Variants in CNTN4 observed in about 807,000 individuals in gnomAD.
The protein encoded by CNTN4 is contactin-4.
Under a neutral mutation model 122.5 loss-of-function variants are expected in CNTN4, and 77 were observed. The observed-to-expected ratio is 0.63, with a 90% CI of 0.52 to 0.76. The LOEUF (loss-of-function observed/expected upper bound fraction) is 0.76. Among genes scored for constraint, CNTN4 ranks in the 30% least tolerant of loss-of-function variants. CNTN4 has a pLI of 0.00. For missense variants in CNTN4, 1,256 were observed against 1,259.1 expected (o/e 1.00, Z 0.04); for synonymous variants, 512 against 447.0 (o/e 1.15, Z -1.83).
intron 2 of CNTN4, among the ~76,000 whole-genome samples, chr3:2,191,106 G>C (rs904404926): frequency 4.0e-5 from 6 of 151,862 alleles, no homozygotes; most frequent in Admixed American, 3.9e-4. Context: ...TTTTTATTTG[G>C]TTTTGAAGAG....
intron 4 of CNTN4, among the ~76,000 whole-genome samples, chr3:2,653,701 G>A (rs974018258): frequency 2.0e-5 from 3 of 151,982 alleles, no homozygotes; most frequent in Admixed American, 6.6e-5. Context: ...TCTGTGTGAG[G>A]GTTTGGATAA....
chr3:2,498,646 A>G (rs767558171), intron 3 of CNTN4, among the ~76,000 whole-genome samples: 10 of 151,884 alleles, frequency 6.6e-5, no homozygotes, highest in Non-Finnish European at 1.5e-4. Flanking sequence ...ACGCCCAGCT[A>G]ATTTTTGTAT....
intron 2 of CNTN4, among the ~76,000 whole-genome samples, chr3:2,190,660 C>T (rs2037487224): frequency 6.6e-6 from 1 of 151,842 alleles, no homozygotes; most frequent in Non-Finnish European, 1.5e-5. Context: ...GTTACAGGAC[C>T]CCCATTCTCC....
intron 3 of CNTN4, among the ~76,000 whole-genome samples, chr3:2,419,182 A>G (rs574033394): frequency 1.4e-4 from 22 of 152,348 alleles, no homozygotes; most frequent in Non-Finnish European, 2.5e-4. Context: ...CAAGTAATCA[A>G]TCATATACCA....
At position 2,788,125 on chromosome 3, in the gene CNTN4, A is replaced by C. The variant is rs73807945; in HGVS notation, c.359-31361A>C. On this transcript the variant is annotated intron_variant, in intron 6 of 24. Coordinates refer to ENST00000418658, the MANE Select transcript of CNTN4 (RefSeq NM_175607.3). ...ATGTAATCATAAGAGTAACAACTAT[A>C]TACCATCACATCATCATCATAACAG... 2.1e-3 allele frequency among the ~76,000 whole-genome samples: 320 copies of C among 152,312 alleles called. 2 individuals carry two copies. The highest frequency in any genetic ancestry group is 7.6e-3 in the African/African-American group (316 of 41,562).
chr3:2,488,906 A>T (rs982326403), intron 3 of CNTN4, among the ~76,000 whole-genome samples: 1 of 152,194 alleles, frequency 6.6e-6, no homozygotes, highest in Non-Finnish European at 1.5e-5. Flanking sequence ...TGTAGGCTCC[A>T]TTTTTAATAA....
intron 2 of CNTN4, among the ~76,000 whole-genome samples, chr3:2,334,951 A>T (rs1279166283): frequency 6.6e-6 from 1 of 152,222 alleles, no homozygotes; most frequent in Non-Finnish European, 1.5e-5. Flanking sequence ...GGTCTAGATC[A>T]GGACTGTTTG....
At chr3:2,277,160 A>G (rs1431552722) in intron 2 of CNTN4, among the ~76,000 whole-genome samples, 10 of 152,196 alleles carry the variant, frequency 6.6e-5, no homozygotes, top group Non-Finnish European at 1.0e-4. Context: ...TTTAAAGGCT[A>G]TAAGAGTTCA....
intron 4 of CNTN4, among the ~76,000 whole-genome samples, chr3:2,694,684 G>A (rs907628554): frequency 1.3e-5 from 2 of 152,134 alleles, no homozygotes; most frequent in African/African-American, 4.8e-5. Flanking sequence ...AGCTAAGGTC[G>A]TGCCACCGCA....
intron 4 of CNTN4, among the ~76,000 whole-genome samples, chr3:2,610,494 A>G (rs1003997213): frequency 5.3e-5 from 8 of 152,136 alleles, no homozygotes; most frequent in African/African-American, 1.7e-4. Flanking sequence ...CACCCTCGCC[A>G]TTTCTGCAAC....
intron 2 of CNTN4, among the ~76,000 whole-genome samples, chr3:2,141,630 A>G (rs544094101): frequency 6.6e-6 from 1 of 152,300 alleles, no homozygotes; most frequent in Non-Finnish European, 1.5e-5. Context: ...ATAAAGTGGA[A>G]GAAACCATAG....
At chr3:2,427,464 C>T (rs899311808) in intron 3 of CNTN4, among the ~76,000 whole-genome samples, 51 of 152,280 alleles carry the variant, frequency 3.3e-4, no homozygotes, top group Middle Eastern at 3.4e-3. Context: ...TGTTCTTTTA[C>T]ATTTGCTGAG....
chr3:2,904,817 G>T (rs1462248043), intron 12 of CNTN4, among the ~76,000 whole-genome samples: 1 of 152,178 alleles, frequency 6.6e-6, no homozygotes, highest in Non-Finnish European at 1.5e-5. Context: ...GTGGCCTAAT[G>T]AAATGAATCA....
chr3:2,576,827 C>T (rs1160002929), intron 4 of CNTN4, among the ~76,000 whole-genome samples: 1 of 152,198 alleles, frequency 6.6e-6, no homozygotes, highest in East Asian at 1.9e-4. Flanking sequence ...GGATTATAGG[C>T]ATGAGCCACC....
At chr3:2,317,050 C>T (rs536430861) in intron 2 of CNTN4, among the ~76,000 whole-genome samples, 1 of 152,308 alleles carries the variant, frequency 6.6e-6, no homozygotes, top group East Asian at 1.9e-4. Flanking sequence ...CCTTTAGGCA[C>T]CATGTTTAAG....
intron 13 of CNTN4, among the ~76,000 whole-genome samples, chr3:2,948,843 A>G (rs2094706498): frequency 6.6e-6 from 1 of 152,188 alleles, no homozygotes; most frequent in African/African-American, 2.4e-5. Context: ...CCAAAACACA[A>G]CTTTCCCTGA....
chr3:2,515,062 G>C (rs1264290910), intron 3 of CNTN4, among the ~76,000 whole-genome samples: 1 of 151,890 alleles, frequency 6.6e-6, no homozygotes, highest in African/African-American at 2.4e-5. Context: ...TGTGACTTTA[G>C]AAACGAGGTT....
intron 3 of CNTN4, among the ~76,000 whole-genome samples, chr3:2,383,734 CTT>C (rs962580126): frequency 1.1e-4 from 16 of 149,732 alleles, no homozygotes; most frequent in African/African-American, 3.9e-4. Context: ...GTCTCTCCCT[CTT>C]CTCTCTTCTC....
At chr3:2,732,924 C>T (rs1276860917) in intron 4 of CNTN4, among the ~76,000 whole-genome samples, 1 of 152,136 alleles carries the variant, frequency 6.6e-6, no homozygotes, top group Non-Finnish European at 1.5e-5. Context: ...TGTTAATTTT[C>T]AGGCAGTGAG....
Sources: allele counts gnomAD v4.1 joint callset (sites outside exome capture counted in the v4.1 genomes callset), GRCh38; gene constraint gnomAD v4.1.1; transcripts MANE v1.5; gene names NCBI Gene and HGNC (gene_info 2026-07-23, HGNC 2026-07-21).